Variants in ESRP1 observed in about 807,000 individuals in gnomAD.
ESRP1 encodes epithelial splicing regulatory protein 1, also known as RNA-binding motif protein 35A.
Under a neutral mutation model 81.7 loss-of-function variants are expected in ESRP1, and 33 were observed. The observed-to-expected ratio is 0.40, with a 90% CI of 0.31 to 0.54. The LOEUF (loss-of-function observed/expected upper bound fraction) is 0.54. Among genes scored for constraint, ESRP1 ranks in the 20% least tolerant of loss-of-function variants. The pLI, the probability that ESRP1 is intolerant of heterozygous loss-of-function variation, is 0.41. For missense variants in ESRP1, 672 were observed against 833.1 expected, an observed-to-expected ratio of 0.81 and a Z score of 2.38; for synonymous variants, 320 against 303.3, an observed-to-expected ratio of 1.06 and a Z score of -0.57.
intron 15 of ESRP1, 68 bp downstream of exon 15, chr8:94,697,029 T>C: frequency 9.3e-7 from 1 of 1,071,282 alleles, no homozygotes; most frequent in Non-Finnish European, 1.3e-6. Flanking sequence ...TGAAGGCATT[T>C]AGAAATCAAC....
At chr8:94,705,649 T>C (rs1037083130) in intron 15 of ESRP1, 5 of 337,080 alleles carry the variant, frequency 1.5e-5, no homozygotes, top group Middle Eastern at 8.6e-4. Flanking sequence ...AAACCATACA[T>C]GTTAAACTAA....
chr8:94,641,897 G>C, intron 1 of ESRP1, 59 bp from the exon 2 acceptor site: 1 of 1,598,562 alleles, frequency 6.3e-7, no homozygotes. Context: ...GAGGGAGGAG[G>C]GTGCAGAAAG....
intron 13 of ESRP1, among the ~76,000 whole-genome samples, chr8:94,682,645 G>A: frequency 6.6e-6 from 1 of 151,438 alleles, no homozygotes; most frequent in South Asian, 2.1e-4. Context: ...GGGATTACAG[G>A]TGTGAGCCAC....
intron 13 of ESRP1, among the ~76,000 whole-genome samples, chr8:94,686,987 G>A (rs1809166584): frequency 6.6e-6 from 1 of 152,088 alleles, no homozygotes; most frequent in Non-Finnish European, 1.5e-5. Flanking sequence ...TATTTTAGGT[G>A]TTCGGTCATT....
chr8:94,672,912 A>G (rs1387655506), intron 11 of ESRP1, among the ~76,000 whole-genome samples: 1 of 79,378 alleles, frequency 1.3e-5, no homozygotes, highest in East Asian at 3.5e-4. Context: ...GTAGGCTTAT[A>G]TTGAAAATAC....
At chr8:94,677,574 A>G (rs1808696046) in intron 12 of ESRP1, among the ~76,000 whole-genome samples, 1 of 152,070 alleles carries the variant, frequency 6.6e-6, no homozygotes, top group South Asian at 2.1e-4. Flanking sequence ...CCCAGGTTGG[A>G]TTTTTTTCTT....
intron 4 of ESRP1, among the ~76,000 whole-genome samples, chr8:94,651,122 G>A (rs1818103043): frequency 6.6e-6 from 1 of 151,932 alleles, no homozygotes; most frequent in Non-Finnish European, 1.5e-5. Flanking sequence ...TTTTTTCCAG[G>A]GGGAATGGTG....
chr8:94,694,272 A>G (rs1190821656), intron 14 of ESRP1, among the ~76,000 whole-genome samples: 1 of 152,220 alleles, frequency 6.6e-6, no homozygotes, highest in East Asian at 1.9e-4. Context: ...GTTGCCTTAC[A>G]TATAAATTAG....
At chr8:94,665,132 T>C in intron 8 of ESRP1, 22 bp from the exon 9 acceptor site, 1 of 1,613,642 alleles carries the variant, frequency 6.2e-7, no homozygotes, top group Admixed American at 1.7e-5. Context: ...TCAGAAACAC[T>C]AACTTCTCTG....
In ESRP1 at chr8:94,690,611, C is replaced by T. The variant is rs542970336; in HGVS notation, c.1821-2066C>T. On this transcript the variant is annotated intron_variant, in intron 13 of 15. Transcript: ENST00000433389. ...ATCAGAATAGATGGTACCTTAGATG[C>T]GGAATATAATTGTCATTTATAAGCT... is the stretch of plus-strand genomic sequence containing the variant. 7.2e-5 allele frequency among the ~76,000 whole-genome samples: 11 copies of T among 152,096 alleles called. No homozygotes were observed. In the South Asian group the frequency reaches 1.7e-3, roughly 23 times the overall value.
chr8:94,653,719 T>A (rs1440800544), intron 4 of ESRP1, among the ~76,000 whole-genome samples: 1 of 152,206 alleles, frequency 6.6e-6, no homozygotes. Flanking sequence ...TGGGGCTTTA[T>A]AATTGTACAA....
At chr8:94,690,902 T>A (rs1452606561) in intron 13 of ESRP1, among the ~76,000 whole-genome samples, 1 of 152,172 alleles carries the variant, frequency 6.6e-6, no homozygotes, top group East Asian at 1.9e-4. Context: ...ACATCATCTT[T>A]GAGTGAATGC....
chr8:94,682,932 A>ATTTTTTTTTTTTTTT (rs869078492), intron 13 of ESRP1, among the ~76,000 whole-genome samples: 1 of 18,092 alleles, frequency 5.5e-5, no homozygotes, highest in Non-Finnish European at 8.2e-5. Flanking sequence ...ATATATATAT[A>ATTTTTTTTTTTTTTT]TTTTTTTTTT....
chr8:94,656,490 A>G lies in ESRP1; in HGVS notation c.491-5782A>G, dbSNP rs928518817. On this transcript the variant is annotated intron_variant, in intron 4 of 15. Transcript: ENST00000433389. ...CCCACCTTGGCCTCTCAAAGTGCTG[A>G]GATTACAGGCGTGAGCCACCACGCC... Among the ~76,000 whole-genome samples, 7 of 151,496 alleles carry G rather than the reference A, an allele frequency of 4.6e-5. No individual in the cohort carries two copies. The South Asian group carries it at 6.3e-4, about 14-fold the overall frequency.
intron 13 of ESRP1, among the ~76,000 whole-genome samples, chr8:94,681,496 G>A (rs1219138904): frequency 6.6e-6 from 1 of 151,564 alleles, no homozygotes; most frequent in Non-Finnish European, 1.5e-5. Context: ...AAGTAGCTGG[G>A]TGTGGTGGTC....
At chr8:94,687,846 A>T (rs1563544026) in intron 13 of ESRP1, among the ~76,000 whole-genome samples, 2 of 152,152 alleles carry the variant, frequency 1.3e-5, no homozygotes, top group East Asian at 1.9e-4. Context: ...ATTTTCTCCA[A>T]TTCTGTAGGT....
intron 9 of ESRP1, among the ~76,000 whole-genome samples, chr8:94,666,307 A>G (rs1425164424): frequency 2.0e-5 from 3 of 152,236 alleles, no homozygotes; most frequent in African/African-American, 7.2e-5. Flanking sequence ...GGATTGCTTG[A>G]GCCTTGGTGT....
intron 1 of ESRP1, 171 bp from the exon 2 acceptor site, chr8:94,641,785 G>C: frequency 2.2e-6 from 2 of 919,870 alleles, no homozygotes; most frequent in Non-Finnish European, 3.0e-6. Context: ...CGGGTGGGGG[G>C]TGGGGCGGGG....
chr8:94,657,472 CGTGTGTGTGTGT>C (rs9297944), intron 4 of ESRP1, among the ~76,000 whole-genome samples: 1 of 146,156 alleles, frequency 6.8e-6, no homozygotes, highest in Non-Finnish European at 1.5e-5. Context: ...AGGCTGTGTG[CGTGTGTGTGTGT>C]GTGTGTGTGT....
Sources: gnomAD v4.1 joint callset for allele counts (sites outside exome capture counted in the v4.1 genomes callset) on GRCh38, gnomAD v4.1.1 for gene constraint, MANE v1.5 for transcripts, NCBI Gene and HGNC (gene_info 2026-07-23, HGNC 2026-07-21) for gene names.